CORO2B: variants seen among roughly 807,000 people sequenced by gnomAD.
CORO2B encodes the protein coronin-2B.
CORO2B carries 26 observed loss-of-function variants against 58.8 expected under a neutral mutation model. The observed-to-expected ratio is 0.44, with a 90% CI of 0.32 to 0.61. The LOEUF is 0.61. Ranked by LOEUF, CORO2B falls within the 20% of genes least tolerant of loss-of-function variation. The pLI, the probability that CORO2B is intolerant of heterozygous loss-of-function variation, is 0.04. For synonymous variants in CORO2B, 242 were observed against 253.8 expected, an observed-to-expected ratio of 0.95 and a Z score of 0.44; for missense variants, 460 against 645.1, an observed-to-expected ratio of 0.71 and a Z score of 3.11.
intron 8 of CORO2B, among the ~76,000 whole-genome samples, chr15:68,717,706 C>T (rs935824850): frequency 6.6e-6 from 1 of 152,108 alleles, no homozygotes; most frequent in African/African-American, 2.4e-5. Flanking sequence ...GAACTCAGAC[C>T]GAATCTGCTG....
the CORO2B span, among the ~76,000 whole-genome samples, chr15:68,519,620 TTGATTTTGATGA>T: frequency 6.6e-6 from 1 of 152,238 alleles, no homozygotes; most frequent in Admixed American, 6.5e-5. Flanking sequence ...CAACCAACTT[TTGATTTTGATGA>T]TTTTCCTTTG....
At chr15:68,647,734 G>A (rs1482109633) in intron 2 of CORO2B, among the ~76,000 whole-genome samples, 1 of 145,794 alleles carries the variant, frequency 6.9e-6, no homozygotes, top group African/African-American at 2.5e-5. Context: ...GGGGCCAGGT[G>A]CCGTGGCTCA....
At chr15:68,688,932 C>T (rs4522367) in intron 2 of CORO2B, among the ~76,000 whole-genome samples, 152,259 of 152,264 alleles carry the variant, frequency 1, 76,127 homozygotes, top group Non-Finnish European at 1. Context: ...TCCATGCCCT[C>T]CTCCTGGGGC....
At chr15:68,671,444 G>T (rs578246978) in intron 2 of CORO2B, among the ~76,000 whole-genome samples, 52 of 152,312 alleles carry the variant, frequency 3.4e-4, no homozygotes, top group African/African-American at 1.2e-3. Flanking sequence ...AATCTGAGAT[G>T]ATAATGCCTG....
At chr15:68,644,356 A>G (rs753198678) in intron 1 of CORO2B, among the ~76,000 whole-genome samples, 1 of 152,214 alleles carries the variant, frequency 6.6e-6, no homozygotes, top group Non-Finnish European at 1.5e-5. Context: ...ATTGGGACCC[A>G]GTAATCAGCA....
At chr15:68,560,060 A>G in the CORO2B span, among the ~76,000 whole-genome samples, 1 of 152,116 alleles carries the variant, frequency 6.6e-6, no homozygotes, top group Admixed American at 6.5e-5. Context: ...GAGACTGCCG[A>G]TTTGAAGAGT....
intron 1 of CORO2B, among the ~76,000 whole-genome samples, chr15:68,617,520 C>T (rs536136849): frequency 4.6e-5 from 7 of 152,068 alleles, no homozygotes; most frequent in African/African-American, 9.6e-5. Context: ...GGGTAGTGTG[C>T]GTGTGTGTAT....
the CORO2B span, among the ~76,000 whole-genome samples, chr15:68,528,444 A>G: frequency 2.0e-5 from 3 of 152,164 alleles, no homozygotes; most frequent in Admixed American, 2.0e-4. Flanking sequence ...AATTACAATG[A>G]TTAACTTTTG....
At chr15:68,583,237 T>C (rs1010843536) in intron 1 of CORO2B, among the ~76,000 whole-genome samples, 1 of 152,134 alleles carries the variant, frequency 6.6e-6, no homozygotes, top group African/African-American at 2.4e-5. Context: ...AGATCATGTG[T>C]CTCTAGGGCC....
chr15:68,562,834 G>T, the CORO2B span, among the ~76,000 whole-genome samples: 1 of 151,810 alleles, frequency 6.6e-6, no homozygotes, highest in East Asian at 1.9e-4. Context: ...AAAATTAGCC[G>T]GGCGTGGTGG....
At chr15:68,577,614 G>A (rs189862044), upstream of CORO2B, among the ~76,000 whole-genome samples, 129 of 151,810 alleles carry the variant, frequency 8.5e-4, no homozygotes, top group Middle Eastern at 6.8e-3. Flanking sequence ...CCAGATCCTC[G>A]GGGGGCTGAG....
chr15:68,673,915 C>T (rs1232493830), intron 2 of CORO2B, among the ~76,000 whole-genome samples: 2 of 151,452 alleles, frequency 1.3e-5, no homozygotes, highest in East Asian at 3.9e-4. Context: ...GAAAGGGACT[C>T]CAGCTCCCAA....
At chr15:68,723,456 T>C (rs1356599845) in intron 11 of CORO2B, among the ~76,000 whole-genome samples, 1 of 151,376 alleles carries the variant, frequency 6.6e-6, no homozygotes, top group Non-Finnish European at 1.5e-5. Flanking sequence ...TGTTGTTGTT[T>C]TGTTTTGTTT....
At chr15:68,672,919 T>C (rs1232586742) in intron 2 of CORO2B, among the ~76,000 whole-genome samples, 1 of 152,126 alleles carries the variant, frequency 6.6e-6, no homozygotes, top group Non-Finnish European at 1.5e-5. Context: ...ACATCACAGT[T>C]TGGATCAGAT....
At chr15:68,535,748 T>G in the CORO2B span, among the ~76,000 whole-genome samples, 1 of 152,138 alleles carries the variant, frequency 6.6e-6, no homozygotes, top group African/African-American at 2.4e-5. Flanking sequence ...AGACCAGGAA[T>G]GTCATCTACA....
chr15:68,710,922 A>G lies in CORO2B; in HGVS notation c.483+41A>G. On this transcript the variant is annotated intron_variant, in intron 4 of 11. Coordinates refer to ENST00000261861, the MANE Select transcript of CORO2B (RefSeq NM_006091.5). The surrounding 1 kb of genome is among the most constrained non-coding windows in gnomAD (Gnocchi z 4.1). ...GCAGCTGGGTGGAGAGGGATTGGGG[A>G]AGAGAAAGGGGCCTTTTGGGTACCC... is the stretch of plus-strand genomic sequence containing the variant. The G allele has an allele frequency of 6.5e-7, 1 of 1,549,976 alleles. No individual in the cohort carries two copies. Among genetic ancestry groups the G allele is most frequent in the African/African-American group, 1.4e-5 (1 of 73,950 alleles).
At chr15:68,528,463 A>C in the CORO2B span, among the ~76,000 whole-genome samples, 1 of 152,272 alleles carries the variant, frequency 6.6e-6, no homozygotes, top group South Asian at 2.1e-4. Flanking sequence ...TGGATATCAA[A>C]TCAATCTTGT....
intron 1 of CORO2B, among the ~76,000 whole-genome samples, chr15:68,583,110 C>T (rs1055039399): frequency 6.6e-6 from 1 of 152,228 alleles, no homozygotes; most frequent in Admixed American, 6.5e-5. Flanking sequence ...CTTCCCTCTC[C>T]TGCCTCAGCT....
the CORO2B span, among the ~76,000 whole-genome samples, chr15:68,524,395 T>C: frequency 6.6e-6 from 1 of 152,196 alleles, no homozygotes; most frequent in African/African-American, 2.4e-5. Flanking sequence ...TAATCCCTTT[T>C]TGCTGTTCTA....
Sources: gnomAD v4.1 joint callset for allele counts (sites outside exome capture counted in the v4.1 genomes callset) on GRCh38, gnomAD v4.1.1 for gene constraint, Gnocchi (gnomAD v3.1) non-coding constraint, MANE v1.5 for transcripts, NCBI Gene and HGNC (gene_info 2026-07-23, HGNC 2026-07-21) for gene names.